PLXDC2: variants seen among roughly 807,000 people sequenced by gnomAD.
PLXDC2 encodes plexin domain containing 2.
PLXDC2 carries 40 observed loss-of-function variants against 68.9 expected under a neutral mutation model. The ratio of observed to expected loss-of-function variants is 0.58; its 90% confidence interval spans 0.45 to 0.76. The LOEUF is 0.76. Among genes scored for constraint, PLXDC2 ranks in the 30% least tolerant of loss-of-function variants. PLXDC2 has a pLI of 0.00. For synonymous variants in PLXDC2, 243 were observed against 234.2 expected (o/e 1.04, Z -0.34); for missense variants, 644 against 661.9 (o/e 0.97, Z 0.30).
intron 12 of PLXDC2, among the ~76,000 whole-genome samples, chr10:20,239,819 A>G (rs1354380167): frequency 6.6e-6 from 1 of 152,232 alleles, no homozygotes; most frequent in Admixed American, 6.5e-5. Flanking sequence ...CAGGAGGGAA[A>G]TGAGCATACT....
chr10:20,182,439 T>G (rs1834618791), intron 9 of PLXDC2, among the ~76,000 whole-genome samples: 1 of 152,022 alleles, frequency 6.6e-6, no homozygotes, highest in Admixed American at 6.6e-5. Flanking sequence ...TATCAGAAAT[T>G]TGGTCCTTTT....
chr10:19,915,513 C>A (rs1833349488), intron 1 of PLXDC2, among the ~76,000 whole-genome samples: 1 of 152,130 alleles, frequency 6.6e-6, no homozygotes. Flanking sequence ...TTTAAAAAAT[C>A]ATGAGAAAAT....
intron 7 of PLXDC2, among the ~76,000 whole-genome samples, chr10:20,171,204 T>C (rs541934552): frequency 2.0e-5 from 3 of 152,264 alleles, no homozygotes; most frequent in South Asian, 4.1e-4. Flanking sequence ...TAGAACCCAG[T>C]GCAAGCCCTT....
intron 1 of PLXDC2, among the ~76,000 whole-genome samples, chr10:19,885,017 G>A (rs1837815403): frequency 6.6e-6 from 1 of 152,118 alleles, no homozygotes; most frequent in African/African-American, 2.4e-5. Context: ...AGCACCTGTT[G>A]TTTCCTGACT....
chr10:20,249,777 T>G (rs1021464159), intron 13 of PLXDC2, among the ~76,000 whole-genome samples: 1 of 152,100 alleles, frequency 6.6e-6, no homozygotes, highest in African/African-American at 2.4e-5. Flanking sequence ...GAGCACAGAG[T>G]GCATCAAATG....
intron 1 of PLXDC2, among the ~76,000 whole-genome samples, chr10:19,925,375 T>G (rs1833524114): frequency 6.6e-6 from 1 of 152,106 alleles, no homozygotes; most frequent in African/African-American, 2.4e-5. Flanking sequence ...CAGGAGGGAG[T>G]TGAGCAATCC....
rs188959525 is a variant in PLXDC2 at position 19,847,520 on chromosome 10, A to T, written c.112+30329A>T. Among the ~76,000 whole-genome samples the T allele has an allele frequency of 9.1e-4, 138 of 152,174 alleles. 1 individual carries two copies. The highest frequency in any genetic ancestry group is 3.5e-3 in the Admixed American group (53 of 15,280). On this transcript the variant is annotated intron_variant, in intron 1 of 13. Transcript: ENST00000377252. Reference sequence around the variant, plus strand: ...CATTACCTAGGAATGTATAAGAAGAACTCTGGGCTTCAAGTCAGATTTGCT... The same window carrying T: ...CATTACCTAGGAATGTATAAGAAGATCTCTGGGCTTCAAGTCAGATTTGCT...
At chr10:19,852,425 C>CAAAAAAAAAAAAAAAAAAAAA (rs61430454) in intron 1 of PLXDC2, among the ~76,000 whole-genome samples, 5 of 61,936 alleles carry the variant, frequency 8.1e-5, no homozygotes, top group Admixed American at 2.4e-4. Flanking sequence ...GACCCTGTCT[C>CAAAAAAAAAAAAAAAAAAAAA]AAAAAAAAAA....
intron 1 of PLXDC2, among the ~76,000 whole-genome samples, chr10:19,881,014 A>G (rs1359073587): frequency 6.6e-6 from 1 of 152,168 alleles, no homozygotes; most frequent in Non-Finnish European, 1.5e-5. Context: ...TGCTCAAATG[A>G]GCTCTGAGCC....
chr10:20,239,470 C>A (rs1835484716), intron 12 of PLXDC2, among the ~76,000 whole-genome samples: 1 of 152,132 alleles, frequency 6.6e-6, no homozygotes, highest in Admixed American at 6.5e-5. Flanking sequence ...GAAGGAAAAG[C>A]AAGCACCTTC....
intron 4 of PLXDC2, among the ~76,000 whole-genome samples, chr10:20,128,611 A>G (rs896198018): frequency 2.0e-5 from 3 of 152,114 alleles, no homozygotes; most frequent in Non-Finnish European, 4.4e-5. Flanking sequence ...GAACTTTATT[A>G]TTCTGAAAAA....
At chr10:20,091,435 C>A (rs916543517) in intron 4 of PLXDC2, among the ~76,000 whole-genome samples, 1 of 152,184 alleles carries the variant, frequency 6.6e-6, no homozygotes, top group Non-Finnish European at 1.5e-5. Flanking sequence ...TCTTCACCTT[C>A]CCCTCTCCAC....
In PLXDC2 at chr10:20,002,122, C is replaced by T. The variant is rs565903554; in HGVS notation, c.324+136C>T. The T allele has an allele frequency of 8.4e-5, 72 of 858,372 alleles. No individual in the cohort carries two copies. The South Asian group carries it at 1.1e-3, about 13-fold the overall frequency. The allele number at this position is 858,372 out of a possible 1,614,324, so 53.2% of individuals were successfully genotyped here. A position where few individuals can be genotyped will look rare whatever the true frequency, so the allele number is the denominator to read the frequency against. On this transcript the variant is annotated intron_variant, in intron 2 of 13. Coordinates refer to ENST00000377252, the MANE Select transcript of PLXDC2 (RefSeq NM_032812.9). ...ATTTCTTTTAAAGAACAATTTAATTCGTTAATAAATATAATAACTAAGCCA... is the reference window on the plus strand; with the variant it reads ...ATTTCTTTTAAAGAACAATTTAATTTGTTAATAAATATAATAACTAAGCCA...
At chr10:20,081,883 A>C (rs1836564858) in intron 4 of PLXDC2, among the ~76,000 whole-genome samples, 1 of 151,770 alleles carries the variant, frequency 6.6e-6, no homozygotes, top group African/African-American at 2.4e-5. Context: ...TACTAGAAAA[A>C]AATTTTAAAA....
At chr10:20,147,117 A>G (rs1350812735) in intron 5 of PLXDC2, among the ~76,000 whole-genome samples, 1 of 152,148 alleles carries the variant, frequency 6.6e-6, no homozygotes, top group Non-Finnish European at 1.5e-5. Flanking sequence ...CCAATCGTTT[A>G]TGGTAAACAC....
intron 1 of PLXDC2, among the ~76,000 whole-genome samples, chr10:19,833,465 T>C (rs1836732665): frequency 6.6e-6 from 1 of 152,204 alleles, no homozygotes; most frequent in Non-Finnish European, 1.5e-5. Context: ...CAGATCTGGA[T>C]GTGGAAAACA....
intron 1 of PLXDC2, among the ~76,000 whole-genome samples, chr10:19,828,503 T>C (rs185923783): frequency 1.4e-4 from 22 of 152,364 alleles, no homozygotes; most frequent in African/African-American, 5.3e-4. Flanking sequence ...ATCTGAGTAT[T>C]TTTTAATCAG....
At chr10:20,097,054 T>C (rs923223721) in intron 4 of PLXDC2, among the ~76,000 whole-genome samples, 2 of 152,164 alleles carry the variant, frequency 1.3e-5, no homozygotes, top group African/African-American at 2.4e-5. Context: ...TGTTTTCTTA[T>C]TGTGCCTTGG....
intron 1 of PLXDC2, among the ~76,000 whole-genome samples, chr10:19,885,420 T>C (rs2131354801): frequency 6.6e-6 from 1 of 152,324 alleles, no homozygotes; most frequent in Non-Finnish European, 1.5e-5. Flanking sequence ...AGACATGAAG[T>C]CCTTGCCCGT....
Sources: gnomAD v4.1 joint callset for allele counts (sites outside exome capture counted in the v4.1 genomes callset) on GRCh38, gnomAD v4.1.1 for gene constraint, MANE v1.5 for transcripts, NCBI Gene and HGNC (gene_info 2026-07-23, HGNC 2026-07-21) for gene names.